KAT8: variants seen among roughly 807,000 people sequenced by gnomAD.
KAT8 encodes histone acetyltransferase KAT8.
A neutral mutation model predicts 62.9 loss-of-function variants in KAT8; 40 were observed. The ratio of observed to expected loss-of-function variants is 0.64; its 90% CI spans 0.49 to 0.83. The LOEUF is 0.83. Ranked by LOEUF, KAT8 falls within the 40% of genes least tolerant of loss-of-function variation. The probability of loss-of-function intolerance (pLI) is 0.00; values close to 1 mark genes in which losing one functional copy is unlikely to be tolerated. For missense variants in KAT8, 387 were observed against 614.8 expected, an observed-to-expected ratio of 0.63 and a Z score of 3.92; for synonymous variants, 278 against 254.5, an observed-to-expected ratio of 1.09 and a Z score of -0.88.
chr16:31,127,128 C>G, intron 4 of KAT8, 40 bp downstream of exon 4: 1 of 1,613,990 alleles, frequency 6.2e-7, no homozygotes, highest in Non-Finnish European at 8.5e-7. Flanking sequence ...TCCCCCGTCT[C>G]CCCTTGCCGA....
chr16:31,119,194 G>C (rs1414523144), intron 1 of KAT8, among the ~76,000 whole-genome samples: 2 of 152,192 alleles, frequency 1.3e-5, no homozygotes, highest in Non-Finnish European at 2.9e-5. Context: ...TCTGTTGCCA[G>C]GCTGGAGTGC....
At chr16:31,120,046 T>G in intron 1 of KAT8, 140 bp from the exon 2 acceptor site, 2 of 691,534 alleles carry the variant, frequency 2.9e-6, no homozygotes, top group Non-Finnish European at 5.2e-6. Context: ...GTTGTGGCAG[T>G]GATTGAGTAG....
rs1373659655 is a variant in KAT8 at position 31,130,319 on chromosome 16, C to A, written c.965C>A (p.Pro322His). The A allele has an allele frequency of 2.5e-6, 4 of 1,614,094 alleles. No homozygotes were observed. Among genetic ancestry groups the A allele is most frequent in the Non-Finnish European group, 2.5e-6 (3 of 1,180,040 alleles). Reference protein sequence around the residue: ...NNVACILTLPPYQRRGYGKFL... With the variant: ...NNVACILTLPHYQRRGYGKFL... ...GTGGCCTGCATCCTGACCTTGCCCC[C>A]CTACCAACGCCGCGGCTACGGGAAG... Residue 322 changes from proline to histidine, a missense_variant, in exon 8 of 11, where the codon CCC (proline) becomes CAC (histidine). By Grantham distance (77) the Pro-to-His change is moderately conservative (BLOSUM62 -2). This residue lies in a region of KAT8 where 141 missense variants were observed against 222.5 expected (regional missense o/e 0.63). Transcript: ENST00000219797.
At chr16:31,122,006 C>A (rs1403126451) in intron 3 of KAT8, among the ~76,000 whole-genome samples, 4 of 152,170 alleles carry the variant, frequency 2.6e-5, no homozygotes, top group Non-Finnish European at 5.9e-5. Context: ...CTGCCTTAGC[C>A]TCCCAAAGTG....
In KAT8 at chr16:31,130,801, ATGG is replaced by A; in HGVS notation, c.1215_1217del (p.Met405_Val406delinsIle). 6.2e-7 allele frequency: 1 copy of A among 1,613,884 alleles called. No individual in the cohort carries two copies. Among genetic ancestry groups the A allele is most frequent in the Non-Finnish European group, 8.5e-7 (1 of 1,179,948 alleles). The stretch of plus-strand genomic sequence containing the variant: ...CATCAGTACCCTGCAATCCCTCAAT[ATGG>A]TCAAGTACTGGAAGGGCCAGCACGT... On this transcript the variant is annotated inframe_deletion, in exon 10 of 11. Transcript: ENST00000219797.
chr16:31,131,374 AG>A, downstream of KAT8: 1 of 1,207,506 alleles, frequency 8.3e-7, no homozygotes, highest in Non-Finnish European at 1.2e-6. Context: ...TGGACTTTGG[AG>A]GGGAAGGGGA....
At chr16:31,129,774 C>T (rs2057559480) in intron 6 of KAT8, among the ~76,000 whole-genome samples, 1 of 152,210 alleles carries the variant, frequency 6.6e-6, no homozygotes, top group Admixed American at 6.5e-5. Context: ...GCACCCAGCT[C>T]GTATTTGGCA....
At position 31,120,205 on chromosome 16, in the gene KAT8, G is replaced by A; in HGVS notation, c.231G>A (p.Gln77=). 6.2e-7 allele frequency: 1 copy of A among 1,614,146 alleles called. No homozygotes were observed. Among genetic ancestry groups the A allele is most frequent in the Non-Finnish European group, 8.5e-7 (1 of 1,180,010 alleles). ...DSTWHSAEVI[Q]SRVNDQEGRE... ...TCACAGATTCTGCTGAAGTGATCCA[G>A]TCTCGAGTGAACGACCAGGAGGGCC... Residue 77 remains glutamine, a synonymous_variant, in exon 2 of 11, where the codon CAG becomes CAA. Coordinates refer to ENST00000219797, the MANE Select transcript of KAT8 (RefSeq NM_032188.3).
At chr16:31,120,860 T>C in intron 3 of KAT8, 1 of 238,856 alleles carries the variant, frequency 4.2e-6, no homozygotes, top group Non-Finnish European at 8.3e-6. Flanking sequence ...GCAGTTGCTA[T>C]AGCCAAGCAC....
Position 31,130,241 on chromosome 16 carries a change from CG to C in KAT8, c.913-24del, listed in dbSNP as rs1567437416. On this transcript the variant is annotated intron_variant, in intron 7 of 10. Coordinates refer to ENST00000219797, the MANE Select transcript of KAT8 (RefSeq NM_032188.3). ...AGAGAGTGGGGCAGAGCCTCCCCAG[CG>C]GCCCTGAGCACCTGCCTCCTGCAGG... is the stretch of plus-strand genomic sequence containing the variant. The C allele has an allele frequency of 1.9e-6, 3 of 1,612,544 alleles. No homozygotes were observed. In the African/African-American group the frequency reaches 4.0e-5, roughly 22 times the overall value.
intron 1 of KAT8, 79 bp downstream of exon 1, chr16:31,117,971 A>C: frequency 2.9e-6 from 3 of 1,039,592 alleles, no homozygotes; most frequent in Non-Finnish European, 3.8e-6. Flanking sequence ...ACAGGCTGTC[A>C]GTGAGGCCAA....
At position 31,117,797 on chromosome 16, in the gene KAT8, G is replaced by A. The variant is rs1180827579; in HGVS notation, c.116G>A (p.Gly39Asp). ...GCTGAGGGGACCGCCCCATCCCCGG[G>A]CCGCGTCTCTCCGCCGACCCCGGCG... Reference protein sequence around the residue: ...AAAEGTAPSPGRVSPPTPARG... With the variant: ...AAAEGTAPSPDRVSPPTPARG... The change falls in exon 1 of 11, where the codon GGC becomes GAC. Residue 39 changes from glycine (G) to aspartate (D), a missense_variant. This residue lies in a region of KAT8 where 92 missense variants were observed against 78.8 expected (regional missense o/e 1.17). Transcript: ENST00000219797. 9 of 1,424,252 alleles carry A rather than the reference G, an allele frequency of 6.3e-6. No individual in the cohort carries two copies. Among genetic ancestry groups the A allele is most frequent in the South Asian group, 1.4e-5 (1 of 70,692 alleles). The allele number at this position is 1,424,252 out of a possible 1,614,324, so 88.2% of individuals were successfully genotyped here.
Position 31,117,664 on chromosome 16 carries a change from G to A in KAT8, c.-18G>A. 1.4e-6 allele frequency: 2 copies of A among 1,382,722 alleles called. No homozygotes were observed. The highest frequency in any genetic ancestry group is 3.2e-5 in the South Asian group (2 of 61,812). 85.7% of individuals were successfully genotyped at this position (1,382,722 alleles called of 1,614,324 possible). On this transcript the variant is annotated 5_prime_UTR_variant, in exon 1 of 11. Transcript: ENST00000219797. ...GAACTGCGTGGCGTCCGATTCTGGC[G>A]TCACTTCCCTTCCCGCGATGGCGGC... is the stretch of plus-strand genomic sequence containing the variant.
intron 1 of KAT8, among the ~76,000 whole-genome samples, chr16:31,119,074 A>G (rs1408481949): frequency 6.6e-6 from 1 of 151,942 alleles, no homozygotes; most frequent in African/African-American, 2.4e-5. Flanking sequence ...AGATGAAGAG[A>G]CTGAGGCTCA....
intron 3 of KAT8, among the ~76,000 whole-genome samples, chr16:31,124,439 C>T (rs1388727470): frequency 4.0e-5 from 6 of 151,896 alleles, no homozygotes; most frequent in African/African-American, 1.5e-4. Context: ...GTCAGGAGTT[C>T]GAGATCAGCC....
chr16:31,122,449 A>G (rs1424172744), intron 3 of KAT8: 1 of 152,176 alleles, frequency 6.6e-6, no homozygotes, highest in Non-Finnish European at 1.5e-5. Flanking sequence ...CTAAACTGGA[A>G]GAACTCCTCA....
At chr16:31,126,597 G>C (rs2057532906) in intron 3 of KAT8, 1 of 186,976 alleles carries the variant, frequency 5.3e-6, no homozygotes, top group African/African-American at 2.4e-5. Flanking sequence ...GGACCTCTGG[G>C]GCAGTCGCAT....
In KAT8 at chr16:31,130,821, C is replaced by T. The variant is rs781083866; in HGVS notation, c.1233C>T (p.Gly411=). Residue 411 remains glycine, a synonymous_variant, in exon 10 of 11, where the codon GGC becomes GGT. Transcript: ENST00000219797. ...TCAATATGGTCAAGTACTGGAAGGGCCAGCACGTGATCTGTGTCACACCCA... is the reference window on the plus strand; with the variant it reads ...TCAATATGGTCAAGTACTGGAAGGGTCAGCACGTGATCTGTGTCACACCCA... ...QSLNMVKYWK[G]QHVICVTPKL... The T allele has an allele frequency of 6.2e-6, 10 of 1,614,016 alleles. No individual in the cohort carries two copies. The South Asian group carries it at 1.1e-4, about 18-fold the overall frequency.
chr16:31,126,701 T>G (rs564374729), intron 3 of KAT8: 1 of 312,820 alleles, frequency 3.2e-6, no homozygotes, highest in African/African-American at 2.1e-5. Flanking sequence ...AAATCTGTTA[T>G]TTCATTTGAG....
Sources: allele counts gnomAD v4.1 joint callset (sites outside exome capture counted in the v4.1 genomes callset), GRCh38; gene constraint gnomAD v4.1.1; regional missense constraint gnomAD v4.1.1; transcripts MANE v1.5; gene names NCBI Gene and HGNC (gene_info 2026-07-23, HGNC 2026-07-21).